The following HMGA2 variants were observed in gnomAD, a reference collection of about 807,000 sequenced individuals.
HMGA2 encodes high mobility group AT-hook 2, also known as high mobility group protein HMGI-C.
Under a neutral mutation model 19.1 loss-of-function variants are expected in HMGA2, and 8 were observed. The observed-to-expected ratio is 0.42, with a 90% CI of 0.25 to 0.76. The LOEUF (loss-of-function observed/expected upper bound fraction) is 0.76. Ranked by LOEUF, HMGA2 falls within the 30% of genes least tolerant of loss-of-function variation. HMGA2 has a pLI of 0.28. For synonymous variants in HMGA2, 60 were observed against 48.8 expected (o/e 1.23, Z -0.96); for missense variants, 109 against 136.3 (o/e 0.80, Z 1.00).
intron 3 of HMGA2, among the ~76,000 whole-genome samples, chr12:65,900,309 A>G (rs1373760507): frequency 1.3e-5 from 2 of 152,200 alleles, no homozygotes; most frequent in East Asian, 1.9e-4. Flanking sequence ...TTAAGAAAAT[A>G]CTAGATCTTA....
At chr12:65,943,977 C>A (rs1180266562) in intron 3 of HMGA2, among the ~76,000 whole-genome samples, 1 of 152,166 alleles carries the variant, frequency 6.6e-6, no homozygotes, top group African/African-American at 2.4e-5. Flanking sequence ...TTAGGAAGCA[C>A]TAAAACAGAA....
chr12:65,833,030 C>T (rs1422973368), intron 2 of HMGA2, among the ~76,000 whole-genome samples: 1 of 151,952 alleles, frequency 6.6e-6, no homozygotes, highest in African/African-American at 2.4e-5. Flanking sequence ...AATAAGGACA[C>T]CAGAGTTGAC....
intron 3 of HMGA2, among the ~76,000 whole-genome samples, chr12:65,897,239 GT>G (rs1874167749): frequency 6.6e-6 from 1 of 152,094 alleles, no homozygotes; most frequent in South Asian, 2.1e-4. Flanking sequence ...AAACAATTCA[GT>G]TACACTCTTA....
At chr12:65,916,047 T>C (rs1189695649) in intron 3 of HMGA2, among the ~76,000 whole-genome samples, 5 of 151,968 alleles carry the variant, frequency 3.3e-5, no homozygotes, top group African/African-American at 1.2e-4. Flanking sequence ...CTAAGAGGAG[T>C]ACCGTGCTGT....
At chr12:65,898,936 C>T (rs141040631) in intron 3 of HMGA2, among the ~76,000 whole-genome samples, 1,901 of 149,946 alleles carry the variant, frequency 0.013, 21 homozygotes, top group Middle Eastern at 0.021. Flanking sequence ...CCCAGCTACT[C>T]GAGAGGCTGA....
intron 3 of HMGA2, among the ~76,000 whole-genome samples, chr12:65,915,963 G>A (rs556413350): frequency 2.0e-4 from 31 of 152,230 alleles, no homozygotes; most frequent in African/African-American, 7.2e-4. Flanking sequence ...GGAGGGAAAG[G>A]GGGAATGGGT....
intron 3 of HMGA2, among the ~76,000 whole-genome samples, chr12:65,860,500 T>C (rs1871999680): frequency 6.6e-6 from 1 of 152,242 alleles, no homozygotes; most frequent in African/African-American, 2.4e-5. Flanking sequence ...TTTTCTCTTG[T>C]ACTGGTAATT....
intron 3 of HMGA2, among the ~76,000 whole-genome samples, chr12:65,865,864 G>T (rs943551090): frequency 1.3e-5 from 2 of 151,198 alleles, no homozygotes; most frequent in Non-Finnish European, 2.9e-5. Context: ...GGATGGTGTC[G>T]ATCTCCTGAC....
chr12:65,963,221 G>C, intron 4 of HMGA2, 24 bp from the exon 5 acceptor site: 1 of 1,612,656 alleles, frequency 6.2e-7, no homozygotes, highest in Non-Finnish European at 8.5e-7. Context: ...TGAGCGTCAT[G>C]GCTGTGCCCT....
At chr12:65,868,023 G>A (rs1025874266) in intron 3 of HMGA2, among the ~76,000 whole-genome samples, 14 of 151,980 alleles carry the variant, frequency 9.2e-5, no homozygotes, top group African/African-American at 3.4e-4. Context: ...TTTTTCTTCT[G>A]ATGTTCACCC....
intron 2 of HMGA2, 100 bp from the exon 3 acceptor site, chr12:65,838,404 AAACCGATACGTCATC>A (rs1870829427): frequency 1.3e-6 from 1 of 775,526 alleles, no homozygotes; most frequent in Non-Finnish European, 2.1e-6. Context: ...AAAAAAAAAA[AAACCGATACGTCATC>A]TGCAAAGCAG....
At chr12:65,834,746 T>C (rs1253361416) in intron 2 of HMGA2, among the ~76,000 whole-genome samples, 1 of 152,194 alleles carries the variant, frequency 6.6e-6, no homozygotes, top group Non-Finnish European at 1.5e-5. Context: ...AGTGAATTTC[T>C]TTCCTAATTA....
At chr12:65,839,516 C>A (rs965222094) in intron 3 of HMGA2, among the ~76,000 whole-genome samples, 1 of 151,920 alleles carries the variant, frequency 6.6e-6, no homozygotes, top group Admixed American at 6.6e-5. Flanking sequence ...TCCTGTTTGC[C>A]ATTCCTTTCT....
chr12:65,920,630 A>T (rs1592445982), intron 3 of HMGA2, among the ~76,000 whole-genome samples: 1 of 152,046 alleles, frequency 6.6e-6, no homozygotes, highest in East Asian at 1.9e-4. Flanking sequence ...ACAAGATCTG[A>T]TGGGTTTATC....
intron 3 of HMGA2, among the ~76,000 whole-genome samples, chr12:65,888,493 A>G (rs1371240140): frequency 6.6e-6 from 1 of 150,980 alleles, no homozygotes; most frequent in Non-Finnish European, 1.5e-5. Flanking sequence ...ACCTTAGAAT[A>G]AAACTACCTT....
At chr12:65,831,224 T>C (rs71450831) in intron 2 of HMGA2, among the ~76,000 whole-genome samples, 1 of 151,806 alleles carries the variant, frequency 6.6e-6, no homozygotes, top group South Asian at 2.1e-4. Context: ...AATCTTTGCA[T>C]TTTTACAGTT....
rs567629069 is a variant in HMGA2, at chr12:65,925,333, G to A, written c.250-26050G>A. Reference sequence around the variant, plus strand: ...GACAATTTCTAATAAGCATTTGGGTGGTCCTGAGCAGGAGGAACTTCTAGT... The same window carrying A: ...GACAATTTCTAATAAGCATTTGGGTAGTCCTGAGCAGGAGGAACTTCTAGT... On this transcript the variant is annotated intron_variant, in intron 3 of 4. Transcript: ENST00000403681. Among the ~76,000 whole-genome samples, 11 of 152,198 alleles carry A rather than the reference G, an allele frequency of 7.2e-5. No homozygotes were observed. The South Asian group carries it at 2.3e-3, about 32-fold the overall frequency.
intron 1 of HMGA2, chr12:65,826,407 T>C (rs1373548060): frequency 6.6e-6 from 1 of 152,266 alleles, no homozygotes; most frequent in Non-Finnish European, 1.5e-5. Context: ...GAGCGGGATA[T>C]GTCTATTGAG....
intron 3 of HMGA2, chr12:65,915,018 G>A (rs776509007): frequency 2.5e-6 from 4 of 1,611,548 alleles, no homozygotes; most frequent in Admixed American, 3.3e-5. Flanking sequence ...CTCTTCTGAG[G>A]TATTCATGCC....
Sources: gnomAD v4.1 joint callset for allele counts (sites outside exome capture counted in the v4.1 genomes callset) on GRCh38, gnomAD v4.1.1 for gene constraint, MANE v1.5 for transcripts, NCBI Gene and HGNC (gene_info 2026-07-23, HGNC 2026-07-21) for gene names.